COL11A1: variants seen among roughly 807,000 people sequenced by gnomAD.
The protein encoded by COL11A1 is collagen type XI alpha 1 chain.
A neutral mutation model predicts 265.2 loss-of-function variants in COL11A1; 74 were observed. The observed-to-expected ratio is 0.28, with a 90% confidence interval of 0.23 to 0.34. COL11A1 has a LOEUF of 0.34. Ranked by LOEUF, COL11A1 falls within the 10% of genes least tolerant of loss-of-function variation. The pLI, the probability that COL11A1 is intolerant of heterozygous loss-of-function variation, is 1.00. For synonymous variants in COL11A1, 816 were observed against 727.6 expected, an observed-to-expected ratio of 1.12 and a Z score of -1.96; for missense variants, 2,165 against 2,263.6, an observed-to-expected ratio of 0.96 and a Z score of 0.88.
chr1:103,099,629 T>A (rs924811047), intron 1 of COL11A1, among the ~76,000 whole-genome samples: 4 of 151,760 alleles, frequency 2.6e-5, no homozygotes, highest in Non-Finnish European at 4.4e-5. Flanking sequence ...ATTGATATTA[T>A]TCTCAGATTA....
chr1:103,063,263 T>C (rs1393931529), intron 4 of COL11A1, among the ~76,000 whole-genome samples: 1 of 151,966 alleles, frequency 6.6e-6, no homozygotes, highest in Admixed American at 6.6e-5. Flanking sequence ...ATTAACTCAA[T>C]ATTAAAGGTA....
chr1:102,992,788 A>G (rs1664266405), intron 28 of COL11A1, among the ~76,000 whole-genome samples: 1 of 152,096 alleles, frequency 6.6e-6, no homozygotes, highest in Admixed American at 6.6e-5. Context: ...TTTATTTTAC[A>G]GACTTCAAAT....
chr1:102,936,376 G>A (rs1027011493), intron 44 of COL11A1, among the ~76,000 whole-genome samples: 1 of 151,704 alleles, frequency 6.6e-6, no homozygotes, highest in Non-Finnish European at 1.5e-5. Context: ...TGATTTTTTA[G>A]TTATAAATAA....
intron 46 of COL11A1, among the ~76,000 whole-genome samples, chr1:102,926,224 T>A (rs1019888623): frequency 2.0e-5 from 3 of 152,078 alleles, no homozygotes; most frequent in Non-Finnish European, 2.9e-5. Flanking sequence ...GTTAATCCAT[T>A]CTCATGAAAT....
chr1:102,898,308 A>G (rs1652707823), intron 56 of COL11A1, 130 bp from the exon 57 acceptor site: 1 of 373,878 alleles, frequency 2.7e-6, no homozygotes, highest in African/African-American at 2.2e-5. Context: ...CATATGGAGG[A>G]CATCTACAAA....
chr1:102,945,101 CTT>C (rs1334383872), intron 42 of COL11A1, among the ~76,000 whole-genome samples: 1 of 151,970 alleles, frequency 6.6e-6, no homozygotes, highest in Non-Finnish European at 1.5e-5. Flanking sequence ...AAAAAAACAT[CTT>C]TTGGAAACTT....
At chr1:103,091,639 CCCGAA>C (rs1257145052) in intron 1 of COL11A1, among the ~76,000 whole-genome samples, 1 of 151,810 alleles carries the variant, frequency 6.6e-6, no homozygotes, top group African/African-American at 2.4e-5. Context: ...TTCAATTTTC[CCCGAA>C]GGGTTTTATA....
intron 3 of COL11A1, among the ~76,000 whole-genome samples, chr1:103,077,335 TC>T (rs201064440): frequency 5.3e-4 from 80 of 151,914 alleles, no homozygotes; most frequent in Admixed American, 4.6e-4. Context: ...TGTTTTTTTT[TC>T]TTCAGTTAGG....
intron 17 of COL11A1, 64 bp downstream of exon 17, chr1:103,006,004 A>G (rs2101852197): frequency 6.2e-7 from 1 of 1,611,460 alleles, no homozygotes; most frequent in East Asian, 2.2e-5. Flanking sequence ...TGGATTTTTA[A>G]ATATAAAATT....
chr1:103,095,792 T>C (rs1399551637), intron 1 of COL11A1, among the ~76,000 whole-genome samples: 1 of 151,892 alleles, frequency 6.6e-6, no homozygotes, highest in East Asian at 1.9e-4. Context: ...AAAAAAAAGA[T>C]AGCTGAACTT....
chr1:102,921,618 G>A (rs1655999714), intron 47 of COL11A1, 47 bp from the exon 48 acceptor site: 1 of 1,450,778 alleles, frequency 6.9e-7, no homozygotes, highest in Non-Finnish European at 9.6e-7. Flanking sequence ...ATTCAAATGT[G>A]TTTCCAACAT....
intron 4 of COL11A1, among the ~76,000 whole-genome samples, chr1:103,066,619 A>C (rs1189105743): frequency 6.6e-6 from 1 of 151,908 alleles, no homozygotes; most frequent in South Asian, 2.1e-4. Flanking sequence ...CAGAGAGTAC[A>C]AAGAAAATAC....
intron 1 of COL11A1, among the ~76,000 whole-genome samples, chr1:103,083,771 A>G (rs567422910): frequency 6.6e-6 from 1 of 152,268 alleles, no homozygotes; most frequent in East Asian, 1.9e-4. Flanking sequence ...TTCATTATTT[A>G]GGCTGAAAGT....
chr1:102,966,921 C>T (rs1171010613), intron 37 of COL11A1, among the ~76,000 whole-genome samples: 1 of 152,124 alleles, frequency 6.6e-6, no homozygotes, highest in Non-Finnish European at 1.5e-5. Context: ...CTTCAACATT[C>T]CTAACATGGA....
At chr1:103,033,263 T>C (rs933732024) in intron 4 of COL11A1, among the ~76,000 whole-genome samples, 1 of 152,106 alleles carries the variant, frequency 6.6e-6, no homozygotes, top group Non-Finnish European at 1.5e-5. Context: ...TTATTTATTA[T>C]TTTGCTATTT....
chr1:102,969,744 ACC>A (rs1661769363), intron 37 of COL11A1, among the ~76,000 whole-genome samples: 1 of 152,186 alleles, frequency 6.6e-6, no homozygotes, highest in East Asian at 1.9e-4. Flanking sequence ...ATAGTTCCCA[ACC>A]AGTTATAGCC....
intron 17 of COL11A1, 85 bp downstream of exon 17, chr1:103,005,983 G>T (rs986078395): frequency 6.2e-7 from 1 of 1,610,754 alleles, no homozygotes; most frequent in African/African-American, 1.3e-5. Flanking sequence ...TATTCTCTCA[G>T]ATTCAGAAAA....
chr1:102,959,028 G>C (rs760731506), intron 41 of COL11A1, among the ~76,000 whole-genome samples: 4 of 152,142 alleles, frequency 2.6e-5, no homozygotes, highest in Non-Finnish European at 4.4e-5. Flanking sequence ...TGCTACATCT[G>C]CAATGTCCTT....
intron 4 of COL11A1, among the ~76,000 whole-genome samples, chr1:103,047,007 A>G (rs1003708588): frequency 1.3e-5 from 2 of 152,138 alleles, no homozygotes; most frequent in African/African-American, 2.4e-5. Context: ...TGGTTACTGT[A>G]GCCTTGTAGT....
Sources: gnomAD v4.1 joint callset for allele counts (sites outside exome capture counted in the v4.1 genomes callset) on GRCh38, gnomAD v4.1.1 for gene constraint, MANE v1.5 for transcripts, NCBI Gene and HGNC (gene_info 2026-07-23, HGNC 2026-07-21) for gene names.